The following CELF4 variants were observed in gnomAD, a reference collection of about 807,000 sequenced individuals.
CELF4 encodes CUGBP Elav-like family member 4, also known as CUG-BP- and ETR-3-like factor 4.
CELF4 carries 18 observed loss-of-function variants against 59.9 expected under a neutral mutation model. That is an observed-to-expected ratio of 0.30 (90% confidence interval 0.21 to 0.45). The LOEUF is 0.45. Among genes scored for constraint, CELF4 ranks in the 20% least tolerant of loss-of-function variants. The pLI is 1.00. For missense variants in CELF4, 456 were observed against 689.0 expected (o/e 0.66, Z 3.79); for synonymous variants, 261 against 267.1 (o/e 0.98, Z 0.22).
At chr18:37,538,596 G>T (rs1006215259) in intron 1 of CELF4, among the ~76,000 whole-genome samples, 4 of 152,176 alleles carry the variant, frequency 2.6e-5, no homozygotes, top group African/African-American at 9.7e-5. Context: ...TAAAATGGCT[G>T]CCTGGGACTA....
intron 11 of CELF4, among the ~76,000 whole-genome samples, chr18:37,256,932 G>A (rs998456292): frequency 6.6e-6 from 1 of 152,214 alleles, no homozygotes; most frequent in African/African-American, 2.4e-5. Flanking sequence ...AAGCTCAGCT[G>A]CCTGGTGAGA....
At chr18:37,548,052 G>A (rs2099982014) in intron 1 of CELF4, among the ~76,000 whole-genome samples, 1 of 151,890 alleles carries the variant, frequency 6.6e-6, no homozygotes, top group Non-Finnish European at 1.5e-5. Flanking sequence ...TGTGTGTACT[G>A]ATTTTTGAAT....
At chr18:37,514,609 G>A (rs1441264845) in intron 1 of CELF4, among the ~76,000 whole-genome samples, 1 of 152,176 alleles carries the variant, frequency 6.6e-6, no homozygotes, top group Non-Finnish European at 1.5e-5. Context: ...CCGGTCCCAA[G>A]CCCAAGGAGG....
At chr18:37,471,222 C>T (rs1308853838) in intron 2 of CELF4, among the ~76,000 whole-genome samples, 1 of 152,136 alleles carries the variant, frequency 6.6e-6, no homozygotes, top group African/African-American at 2.4e-5. Flanking sequence ...GGGACTGAGG[C>T]AGGCTCTCCA....
At chr18:37,465,819 A>G (rs1450715456) in intron 2 of CELF4, among the ~76,000 whole-genome samples, 1 of 152,226 alleles carries the variant, frequency 6.6e-6, no homozygotes, top group Non-Finnish European at 1.5e-5. Context: ...ACCTCCTTCA[A>G]GGACAAGCAA....
chr18:37,451,879 C>T (rs548316118), intron 2 of CELF4, among the ~76,000 whole-genome samples: 1 of 152,316 alleles, frequency 6.6e-6, no homozygotes, highest in Admixed American at 6.5e-5. Flanking sequence ...TATCCTGGAT[C>T]TGATGGGCCT....
chr18:37,366,262 A>G (rs2098781414), intron 2 of CELF4, among the ~76,000 whole-genome samples: 1 of 152,202 alleles, frequency 6.6e-6, no homozygotes, highest in Non-Finnish European at 1.5e-5. Context: ...CTGCTATAGC[A>G]CAGAGCAGCA....
intron 1 of CELF4, among the ~76,000 whole-genome samples, chr18:37,517,876 G>A (rs73433289): frequency 6.6e-6 from 1 of 152,316 alleles, no homozygotes; most frequent in African/African-American, 2.4e-5. Flanking sequence ...GATTCCCCGT[G>A]GCAGATCACC....
intron 2 of CELF4, among the ~76,000 whole-genome samples, chr18:37,347,704 G>C (rs547655184): frequency 2.6e-5 from 4 of 152,278 alleles, no homozygotes; most frequent in Admixed American, 2.6e-4. Flanking sequence ...GCCAAGTAGA[G>C]GGGTGCCAAA....
rs1012746258 is a variant in CELF4, at chr18:37,341,549, G to A, written c.370-19668C>T. Among the ~76,000 whole-genome samples the A allele has an allele frequency of 2.6e-5, 4 of 152,194 alleles. No homozygotes were observed. The East Asian group carries it at 5.8e-4, about 22-fold the overall frequency. On this transcript the variant is annotated intron_variant, in intron 2 of 12. Coordinates refer to ENST00000420428, the MANE Select transcript of CELF4 (RefSeq NM_020180.4). Reference sequence around the variant, plus strand: ...CATAAGGGCTTTCCACCTGGCTCTGGGGTCAGGACGTTGCAGACAGTTCAC... The same window carrying A: ...CATAAGGGCTTTCCACCTGGCTCTGAGGTCAGGACGTTGCAGACAGTTCAC...
At chr18:37,470,879 T>A (rs1217802267) in intron 2 of CELF4, among the ~76,000 whole-genome samples, 6,820 of 81,186 alleles carry the variant, frequency 0.084, 275 homozygotes, top group Non-Finnish European at 0.1. Context: ...TGTGTGTGTG[T>A]GTGTGTGTGA....
intron 3 of CELF4, among the ~76,000 whole-genome samples, chr18:37,295,079 C>G (rs2095561635): frequency 6.6e-6 from 1 of 152,194 alleles, no homozygotes; most frequent in South Asian, 2.1e-4. Flanking sequence ...GGGGCTCTGA[C>G]TTGAAAGCAG....
At chr18:37,390,806 G>GGC (rs1652520871) in intron 2 of CELF4, among the ~76,000 whole-genome samples, 8 of 74,556 alleles carry the variant, frequency 1.1e-4, no homozygotes, top group African/African-American at 4.1e-4. Context: ...ATGGGGCGGG[G>GGC]AGGGGGGGCA....
chr18:37,364,318 C>T (rs556276035), intron 2 of CELF4, among the ~76,000 whole-genome samples: 16 of 152,314 alleles, frequency 1.1e-4, no homozygotes, highest in African/African-American at 3.1e-4. Flanking sequence ...GTCCTTTCCC[C>T]GGGGCAGGAG....
At chr18:37,331,257 A>G (rs1232592839) in intron 2 of CELF4, among the ~76,000 whole-genome samples, 1 of 152,088 alleles carries the variant, frequency 6.6e-6, no homozygotes, top group Non-Finnish European at 1.5e-5. Flanking sequence ...CCATCTCCCC[A>G]TACTGGCTGC....
intron 2 of CELF4, among the ~76,000 whole-genome samples, chr18:37,438,684 T>C (rs553641455): frequency 9.2e-5 from 14 of 152,322 alleles, no homozygotes; most frequent in African/African-American, 3.4e-4. Context: ...ACACATCGTG[T>C]GGCTGTGGTT....
intron 1 of CELF4, among the ~76,000 whole-genome samples, chr18:37,521,968 A>T (rs1445432350): frequency 6.6e-6 from 1 of 152,240 alleles, no homozygotes; most frequent in Non-Finnish European, 1.5e-5. Flanking sequence ...GCCGGGTTAT[A>T]GCGGGTTACC....
Position 37,468,552 on chromosome 18 carries a change from C to T in CELF4, c.369+16973G>A, listed in dbSNP as rs187130985. 6.4e-4 allele frequency among the ~76,000 whole-genome samples: 98 copies of T among 152,298 alleles called. 1 individual carries two copies. Among genetic ancestry groups the T allele is most frequent in the Admixed American group, 2.7e-3 (42 of 15,300 alleles). On this transcript the variant is annotated intron_variant, in intron 2 of 12. Coordinates refer to ENST00000420428, the MANE Select transcript of CELF4 (RefSeq NM_020180.4). ...AGGCTGTTTTCTGGAAGATGGATGACATCAGTCATTCAACTAGCTTCAGGA... is the reference window on the plus strand; with the variant it reads ...AGGCTGTTTTCTGGAAGATGGATGATATCAGTCATTCAACTAGCTTCAGGA...
intron 1 of CELF4, among the ~76,000 whole-genome samples, chr18:37,551,426 G>A (rs1356814173): frequency 3.3e-5 from 5 of 152,328 alleles, no homozygotes; most frequent in African/African-American, 1.2e-4. Flanking sequence ...CAGGTGTGCT[G>A]TTGACAATGG....
Sources: allele counts gnomAD v4.1 joint callset (sites outside exome capture counted in the v4.1 genomes callset), GRCh38; gene constraint gnomAD v4.1.1; transcripts MANE v1.5; gene names NCBI Gene and HGNC (gene_info 2026-07-23, HGNC 2026-07-21).